Variants in ARL8B observed in about 807,000 individuals in gnomAD.
ARL8B encodes ADP-ribosylation factor-like protein 8B.
Under a neutral mutation model 30.6 loss-of-function variants are expected in ARL8B, and 9 were observed. The ratio of observed to expected loss-of-function variants is 0.29; its 90% confidence interval spans 0.18 to 0.51. The LOEUF (loss-of-function observed/expected upper bound fraction) is 0.51. Among genes scored for constraint, ARL8B ranks in the 20% least tolerant of loss-of-function variants. The pLI is 0.97. For missense variants in ARL8B, 130 were observed against 227.2 expected (o/e 0.57, Z 2.75); for synonymous variants, 74 against 76.0 (o/e 0.97, Z 0.14).
intron 1 of ARL8B, among the ~76,000 whole-genome samples, chr3:5,169,311 G>T (rs77798109): frequency 9.9e-6 from 1 of 101,068 alleles, no homozygotes; most frequent in African/African-American, 4.7e-5. Flanking sequence ...GTGTTTGTGT[G>T]TGTGTGTGTG....
chr3:5,172,628 A>T lies in ARL8B; in HGVS notation c.279-19A>T. 1 of 1,562,568 alleles carries T rather than the reference A, an allele frequency of 6.4e-7. No homozygotes were observed. ...AGGCATACAGAGAAGGTATGTTGAG[A>T]TCACTTCATTTTTTTAAGTTACATG... On this transcript the variant is annotated intron_variant, in intron 3 of 6. Transcript: ENST00000256496.
chr3:5,174,199 C>A, intron 5 of ARL8B, 115 bp downstream of exon 5: 1 of 1,148,154 alleles, frequency 8.7e-7, no homozygotes, highest in Non-Finnish European at 1.3e-6. Flanking sequence ...AAAAGTTGGC[C>A]TATCAGAGAA....
intron 1 of ARL8B, among the ~76,000 whole-genome samples, chr3:5,159,602 CAAAAAAAA>C (rs71053495): frequency 1.8e-3 from 138 of 77,064 alleles, no homozygotes; most frequent in Non-Finnish European, 2.4e-3. Flanking sequence ...AACTCCGTCT[CAAAAAAAA>C]AAAAAAAAAA....
At chr3:5,154,435 A>G (rs1187465636) in intron 1 of ARL8B, among the ~76,000 whole-genome samples, 1 of 150,292 alleles carries the variant, frequency 6.7e-6, no homozygotes, top group Non-Finnish European at 1.5e-5. Flanking sequence ...TCCAGGTTCA[A>G]GTGATTCTCA....
chr3:5,146,673 C>T lies in ARL8B; in HGVS notation c.124-23830C>T, dbSNP rs553627576. Among the ~76,000 whole-genome samples, 10 of 152,176 alleles carry T rather than the reference C, an allele frequency of 6.6e-5. No homozygotes were observed. The South Asian group carries it at 2.1e-3, about 32-fold the overall frequency. ...TCTGCCTGTATTCCTAATTCTAAACCCAATCTCACAATCAGGTCTCCACCC... is the reference window on the plus strand; with the variant it reads ...TCTGCCTGTATTCCTAATTCTAAACTCAATCTCACAATCAGGTCTCCACCC... On this transcript the variant is annotated intron_variant, in intron 1 of 6. Transcript: ENST00000256496.
chr3:5,154,573 A>C (rs564620270), intron 1 of ARL8B, among the ~76,000 whole-genome samples: 1 of 152,064 alleles, frequency 6.6e-6, no homozygotes, highest in Non-Finnish European at 1.5e-5. Context: ...TTAAGTGTTC[A>C]GTGATGTTAA....
At chr3:5,177,183 C>T (rs1347605195) in intron 6 of ARL8B, among the ~76,000 whole-genome samples, 2 of 152,146 alleles carry the variant, frequency 1.3e-5, no homozygotes, top group South Asian at 2.1e-4. Flanking sequence ...GTGAGGACTT[C>T]TTTCGCTATT....
intron 6 of ARL8B, among the ~76,000 whole-genome samples, chr3:5,174,708 AAT>A (rs1559287322): frequency 5.5e-5 from 8 of 144,520 alleles, no homozygotes; most frequent in African/African-American, 2.0e-4. Flanking sequence ...ATATATATGT[AAT>A]ATGTATTATA....
chr3:5,133,275 C>T (rs549808739), intron 1 of ARL8B, among the ~76,000 whole-genome samples: 1 of 152,218 alleles, frequency 6.6e-6, no homozygotes, highest in South Asian at 2.1e-4. Context: ...GCATGGAGGG[C>T]CACTGAAGGT....
chr3:5,154,650 C>G (rs1282501310), intron 1 of ARL8B, among the ~76,000 whole-genome samples: 3 of 152,162 alleles, frequency 2.0e-5, no homozygotes, highest in African/African-American at 4.8e-5. Context: ...TCTTGTAGAA[C>G]TGAAACTCTG....
rs2054769946 is a variant in ARL8B at position 5,180,586 on chromosome 3, G to A, written c.*1873G>A. ...TTTCCGCATTTCAAGACATCCAGAC[G>A]CTATTACCAACATTTTCCTGTGCAT... On this transcript the variant is annotated 3_prime_UTR_variant, in exon 7 of 7. Transcript: ENST00000256496. 6.6e-6 allele frequency: 1 copy of A among 152,638 alleles called. No homozygotes were observed. The allele number at this position is 152,638 out of a possible 1,614,324, so 9.5% of individuals were successfully genotyped here.
At chr3:5,124,554 C>G (rs1174885177) in intron 1 of ARL8B, among the ~76,000 whole-genome samples, 1 of 152,144 alleles carries the variant, frequency 6.6e-6, no homozygotes, top group Non-Finnish European at 1.5e-5. Flanking sequence ...CAGCCTCCAA[C>G]TCCTGGGCTT....
intron 1 of ARL8B, among the ~76,000 whole-genome samples, chr3:5,159,219 G>A (rs533438441): frequency 6.7e-6 from 1 of 149,924 alleles, no homozygotes; most frequent in African/African-American, 2.5e-5. Flanking sequence ...AGGATCCCCC[G>A]AGCCCGGGAG....
rs1398076407 is a variant in ARL8B, at chr3:5,122,353, C to G, written c.-113C>G. 1 of 1,554,746 alleles carries G rather than the reference C, an allele frequency of 6.4e-7. No homozygotes were observed. The highest frequency in any genetic ancestry group is 1.2e-5 in the South Asian group (1 of 85,470). On this transcript the variant is annotated 5_prime_UTR_variant, in exon 1 of 7. Coordinates refer to ENST00000256496, the MANE Select transcript of ARL8B (RefSeq NM_018184.3). ...CGCCCGCCGGTGTCCGCCCGTGTCG[C>G]GCCGGGGCACCAAGGAGCCGTTGGA...
At chr3:5,140,558 G>GTTT (rs4054878) in intron 1 of ARL8B, among the ~76,000 whole-genome samples, 69 of 144,466 alleles carry the variant, frequency 4.8e-4, no homozygotes, top group African/African-American at 1.2e-3. Flanking sequence ...CACCTTCTTG[G>GTTT]TTTTTTTTTT....
intron 1 of ARL8B, among the ~76,000 whole-genome samples, chr3:5,137,652 T>G (rs538686108): frequency 3.1e-4 from 47 of 152,320 alleles, no homozygotes; most frequent in Non-Finnish European, 5.4e-4. Context: ...TTGATCAGGC[T>G]GGTCTCAACT....
At chr3:5,144,389 T>A (rs765901980) in intron 1 of ARL8B, among the ~76,000 whole-genome samples, 10 of 152,236 alleles carry the variant, frequency 6.6e-5, no homozygotes, top group Non-Finnish European at 1.5e-4. Context: ...CCTTTTTGTT[T>A]ATCCTTTGAC....
chr3:5,176,273 G>A (rs1206914028), intron 6 of ARL8B, among the ~76,000 whole-genome samples: 4 of 151,794 alleles, frequency 2.6e-5, no homozygotes, highest in East Asian at 1.9e-4. Flanking sequence ...CTCTGTCGCC[G>A]TGGCTGGAGT....
intron 4 of ARL8B, 30 bp downstream of exon 4, chr3:5,172,770 T>C: frequency 7.9e-7 from 1 of 1,263,708 alleles, no homozygotes; most frequent in Non-Finnish European, 1.1e-6. Flanking sequence ...TATTTTACAT[T>C]GTAATTATAT....
Sources: gnomAD v4.1 joint callset for allele counts (sites outside exome capture counted in the v4.1 genomes callset) on GRCh38, gnomAD v4.1.1 for gene constraint, MANE v1.5 for transcripts, NCBI Gene and HGNC (gene_info 2026-07-23, HGNC 2026-07-21) for gene names.